XYLB: variants seen among roughly 807,000 people sequenced by gnomAD.
The protein encoded by XYLB is xylulose kinase.
XYLB carries 62 observed loss-of-function variants against 78.7 expected under a neutral mutation model. The ratio of observed to expected loss-of-function variants is 0.79; its 90% CI spans 0.64 to 0.97. XYLB has a LOEUF of 0.97. Among genes scored for constraint, XYLB ranks in the 50% least tolerant of loss-of-function variants. The pLI is 0.00. For missense variants in XYLB, 687 were observed against 676.8 expected, an observed-to-expected ratio of 1.02 and a Z score of -0.17; for synonymous variants, 245 against 247.4, an observed-to-expected ratio of 0.99 and a Z score of 0.09.
chr3:38,415,111 C>T (rs1402675731), downstream of XYLB: 1 of 152,184 alleles, frequency 6.6e-6, no homozygotes, highest in Admixed American at 6.5e-5. Context: ...CTATGTAAGC[C>T]TCTAGGCCAA....
intron 10 of XYLB, among the ~76,000 whole-genome samples, chr3:38,373,241 A>C (rs1487229187): frequency 6.6e-6 from 1 of 151,236 alleles, no homozygotes; most frequent in East Asian, 1.9e-4. Flanking sequence ...CCCTGAAGCC[A>C]CTCCTGGAGG....
chr3:38,366,133 A>T (rs960417419), intron 6 of XYLB, among the ~76,000 whole-genome samples: 1 of 152,038 alleles, frequency 6.6e-6, no homozygotes, highest in Non-Finnish European at 1.5e-5. Flanking sequence ...AAAAGGAAAA[A>T]AAATAATAGT....
intron 18 of XYLB, among the ~76,000 whole-genome samples, chr3:38,405,430 G>A (rs936182505): frequency 1.4e-4 from 21 of 151,352 alleles, no homozygotes; most frequent in Non-Finnish European, 2.5e-4. Flanking sequence ...GAACAGCTCG[G>A]GTCTACAGCT....
intron 8 of XYLB, 47 bp from the exon 9 acceptor site, chr3:38,370,009 A>G: frequency 3.9e-6 from 6 of 1,529,192 alleles, no homozygotes; most frequent in Non-Finnish European, 5.4e-6. Flanking sequence ...TTTTCACAAA[A>G]GGTCCATTTT....
intron 2 of XYLB, 127 bp from the exon 3 acceptor site, chr3:38,360,212 C>T (rs1705890475): frequency 1.1e-6 from 1 of 877,180 alleles, no homozygotes; most frequent in Non-Finnish European, 1.9e-6. Flanking sequence ...ACAGTTCCCA[C>T]TTGGGGTTGG....
chr3:38,435,150 T>A, the XYLB span, among the ~76,000 whole-genome samples: 19 of 152,242 alleles, frequency 1.2e-4, no homozygotes, highest in Middle Eastern at 3.4e-3. Context: ...TAGATTTTTT[T>A]AAAAAGATGA....
intron 2 of XYLB, among the ~76,000 whole-genome samples, chr3:38,351,913 T>G (rs2125549704): frequency 6.6e-6 from 1 of 152,382 alleles, no homozygotes; most frequent in Non-Finnish European, 1.5e-5. Flanking sequence ...CTACAATTGG[T>G]TTCACCTGAT....
At chr3:38,396,870 C>T (rs762582049) in intron 16 of XYLB, among the ~76,000 whole-genome samples, 7 of 152,220 alleles carry the variant, frequency 4.6e-5, no homozygotes, top group Admixed American at 4.6e-4. Flanking sequence ...CTGTGGCTCT[C>T]CACTACGGAC....
At chr3:38,417,252 A>G (rs903254310), downstream of XYLB, among the ~76,000 whole-genome samples, 4 of 152,094 alleles carry the variant, frequency 2.6e-5, no homozygotes, top group African/African-American at 4.8e-5. Context: ...CTTGGGCAAC[A>G]TGGTGAAACC....
intron 10 of XYLB, 77 bp from the exon 11 acceptor site, chr3:38,374,385 G>C (rs1472579087): frequency 6.2e-7 from 1 of 1,605,344 alleles, no homozygotes; most frequent in East Asian, 2.2e-5. Context: ...CTCTGCGCCT[G>C]CCTGGAGAGC....
At chr3:38,418,788 CATTT>C (rs151141085), downstream of XYLB, among the ~76,000 whole-genome samples, 5,412 of 152,138 alleles carry the variant, frequency 0.036, 334 homozygotes, top group African/African-American at 0.12. Context: ...AAATGTGTGA[CATTT>C]ATCACTTTAA....
intron 4 of XYLB, among the ~76,000 whole-genome samples, chr3:38,364,919 T>C (rs780241482): frequency 6.6e-6 from 1 of 152,240 alleles, no homozygotes; most frequent in Non-Finnish European, 1.5e-5. Context: ...TTACAAGCAA[T>C]GTCTTTAAAT....
downstream of XYLB, among the ~76,000 whole-genome samples, chr3:38,418,933 G>C (rs902304275): frequency 1.3e-5 from 2 of 152,092 alleles, no homozygotes; most frequent in Admixed American, 6.5e-5. Context: ...AACATATTAA[G>C]ATCAAATTCA....
intron 10 of XYLB, among the ~76,000 whole-genome samples, chr3:38,374,109 C>T (rs1418963724): frequency 7.9e-5 from 12 of 152,000 alleles, no homozygotes. Context: ...CCCTTCTTTT[C>T]CATTACTGCC....
chr3:38,405,274 T>G (rs1334769804), intron 18 of XYLB, among the ~76,000 whole-genome samples: 1 of 150,198 alleles, frequency 6.7e-6, no homozygotes, highest in Non-Finnish European at 1.5e-5. Flanking sequence ...CGGTGGCTCA[T>G]ACCTATAATC....
chr3:38,387,886 T>C (rs1420861146), intron 15 of XYLB, among the ~76,000 whole-genome samples: 1 of 152,222 alleles, frequency 6.6e-6, no homozygotes, highest in African/African-American at 2.4e-5. Flanking sequence ...ATATCATCTT[T>C]ATAATTATTA....
intron 14 of XYLB, among the ~76,000 whole-genome samples, chr3:38,378,901 C>T (rs1401773646): frequency 1.3e-5 from 2 of 150,884 alleles, no homozygotes; most frequent in East Asian, 2.0e-4. Flanking sequence ...GCCACTATTA[C>T]CTCTGTTTTG....
downstream of XYLB, among the ~76,000 whole-genome samples, chr3:38,423,519 T>A (rs1021944446): frequency 6.6e-6 from 1 of 152,248 alleles, no homozygotes; most frequent in Non-Finnish European, 1.5e-5. Context: ...TTAATAGTCA[T>A]AGATTTAAAA....
intron 2 of XYLB, among the ~76,000 whole-genome samples, chr3:38,349,230 A>G (rs1349166433): frequency 1.3e-5 from 2 of 152,256 alleles, no homozygotes; most frequent in Non-Finnish European, 2.9e-5. Flanking sequence ...TCATTCCTTC[A>G]TGCAATTGAA....
Sources: allele counts gnomAD v4.1 joint callset (sites outside exome capture counted in the v4.1 genomes callset), GRCh38; gene constraint gnomAD v4.1.1; transcripts MANE v1.5; gene names NCBI Gene and HGNC (gene_info 2026-07-23, HGNC 2026-07-21).